The following CDC73 variants were observed in gnomAD, a reference collection of about 807,000 sequenced individuals.
The protein encoded by CDC73 is cell division cycle 73.
CDC73 carries 21 observed loss-of-function variants against 83.7 expected under a neutral mutation model. The ratio of observed to expected loss-of-function variants is 0.25; its 90% CI spans 0.18 to 0.36. CDC73 has a LOEUF of 0.36. Among genes scored for constraint, CDC73 ranks in the 10% least tolerant of loss-of-function variants. The pLI is 1.00. For missense variants in CDC73, 342 were observed against 653.3 expected, an observed-to-expected ratio of 0.52 and a Z score of 5.19; for synonymous variants, 224 against 212.9, an observed-to-expected ratio of 1.05 and a Z score of -0.45.
At chr1:193,127,574 A>G (rs1441494936) in intron 2 of CDC73, among the ~76,000 whole-genome samples, 3 of 152,124 alleles carry the variant, frequency 2.0e-5, no homozygotes, top group Non-Finnish European at 4.4e-5. Flanking sequence ...TAGTGTAACA[A>G]AGATTCAGAT....
intron 14 of CDC73, among the ~76,000 whole-genome samples, chr1:193,235,959 G>T (rs1053958918): frequency 1.3e-5 from 2 of 152,128 alleles, no homozygotes; most frequent in African/African-American, 4.8e-5. Flanking sequence ...ATTAACAGAA[G>T]GGAACAGAAA....
intron 13 of CDC73, among the ~76,000 whole-genome samples, chr1:193,217,612 C>G (rs1045631431): frequency 1.3e-5 from 2 of 151,978 alleles, no homozygotes; most frequent in Admixed American, 1.3e-4. Context: ...CTGCTTGTGT[C>G]TTCTTCTGCT....
intron 10 of CDC73, among the ~76,000 whole-genome samples, chr1:193,199,735 A>T (rs1483969553): frequency 1.3e-5 from 2 of 151,824 alleles, no homozygotes; most frequent in African/African-American, 4.8e-5. Context: ...AGAAATTCAC[A>T]CACATATTTA....
intron 13 of CDC73, among the ~76,000 whole-genome samples, chr1:193,221,885 A>G (rs1403996059): frequency 2.6e-5 from 4 of 152,150 alleles, no homozygotes; most frequent in East Asian, 1.9e-4. Flanking sequence ...TTAATGCATA[A>G]TTGAAACCTC....
chr1:193,214,697 C>A (rs968663678), intron 13 of CDC73, among the ~76,000 whole-genome samples: 1 of 151,946 alleles, frequency 6.6e-6, no homozygotes, highest in Non-Finnish European at 1.5e-5. Flanking sequence ...CCAGCCTGGG[C>A]GACAGAGCGA....
chr1:193,157,311 C>T (rs11577299), intron 10 of CDC73, among the ~76,000 whole-genome samples: 92,950 of 151,994 alleles, frequency 0.61, 29,086 homozygotes, highest in South Asian at 0.77. Flanking sequence ...ATTGCACTAA[C>T]GTTTATGAAC....
At chr1:193,132,525 C>G (rs538069621) in intron 3 of CDC73, among the ~76,000 whole-genome samples, 1 of 151,788 alleles carries the variant, frequency 6.6e-6, no homozygotes, top group African/African-American at 2.4e-5. Flanking sequence ...ATTGTTCAGG[C>G]TGGTCTTGAA....
intron 13 of CDC73, among the ~76,000 whole-genome samples, chr1:193,220,101 C>T (rs914705696): frequency 2.0e-5 from 3 of 151,458 alleles, no homozygotes; most frequent in African/African-American, 7.3e-5. Context: ...ATAATAAATA[C>T]CCAGAAGGGG....
In CDC73 at chr1:193,254,735, C is replaced by G. The variant is rs1678103381; in HGVS notation, c.*4023C>G. Reference sequence around the variant, plus strand: ...GCATCTTGGAAGTTATAAATATGTGCCATTTACTGAAAAGTGGGAAGCATT... The same window carrying G: ...GCATCTTGGAAGTTATAAATATGTGGCATTTACTGAAAAGTGGGAAGCATT... On this transcript the variant is annotated 3_prime_UTR_variant, in exon 17 of 17. Coordinates refer to ENST00000367435, the MANE Select transcript of CDC73 (RefSeq NM_024529.5). 6.6e-6 allele frequency among the ~76,000 whole-genome samples: 1 copy of G among 151,916 alleles called. No individual in the cohort carries two copies. The highest frequency in any genetic ancestry group is 6.6e-5 in the Admixed American group (1 of 15,246).
At chr1:193,130,414 C>T (rs1675674606) in intron 3 of CDC73, among the ~76,000 whole-genome samples, 171 bp downstream of exon 3, 1 of 152,126 alleles carries the variant, frequency 6.6e-6, no homozygotes, top group Non-Finnish European at 1.5e-5. Flanking sequence ...CTGTCTTTGC[C>T]CTTATGGCCA....
intron 15 of CDC73, among the ~76,000 whole-genome samples, chr1:193,245,273 CT>C (rs939686378): frequency 5.3e-5 from 8 of 152,278 alleles, no homozygotes; most frequent in African/African-American, 1.9e-4. Context: ...TGTATTCCCC[CT>C]ACCCCCTACT....
At chr1:193,202,660 C>T (rs1268806150) in intron 10 of CDC73, among the ~76,000 whole-genome samples, 1 of 143,904 alleles carries the variant, frequency 6.9e-6, no homozygotes, top group African/African-American at 2.6e-5. Flanking sequence ...TACCTACCTG[C>T]TCCTGCGGCT....
At chr1:193,237,621 G>A (rs1677785693) in intron 15 of CDC73, among the ~76,000 whole-genome samples, 4 of 152,158 alleles carry the variant, frequency 2.6e-5, no homozygotes, top group Admixed American at 2.6e-4. Flanking sequence ...GAGGTGGTGT[G>A]GTGGGGTGGC....
At chr1:193,159,286 G>T (rs1403513518) in intron 10 of CDC73, among the ~76,000 whole-genome samples, 1 of 152,126 alleles carries the variant, frequency 6.6e-6, no homozygotes, top group Non-Finnish European at 1.5e-5. Context: ...AACTTCCTTA[G>T]GGATTTGTTT....
chr1:193,142,671 C>T (rs1675927424), intron 7 of CDC73, among the ~76,000 whole-genome samples: 1 of 152,008 alleles, frequency 6.6e-6, no homozygotes, highest in Admixed American at 6.6e-5. Flanking sequence ...CTCTCTTCCT[C>T]CTTCCCTCAC....
chr1:193,235,348 T>C (rs72740243), intron 14 of CDC73, among the ~76,000 whole-genome samples: 4,694 of 152,264 alleles, frequency 0.031, 85 homozygotes, highest in Non-Finnish European at 0.045. Flanking sequence ...AGGTTTCTAA[T>C]ACAGTGAGGT....
At chr1:193,205,205 C>T (rs538532613) in intron 11 of CDC73, among the ~76,000 whole-genome samples, 1 of 123,616 alleles carries the variant, frequency 8.1e-6, no homozygotes, top group East Asian at 2.3e-4. Context: ...TCCCCCCCCC[C>T]CCCTTTTTTT....
chr1:193,127,343 G>A (rs1375964282), intron 2 of CDC73, among the ~76,000 whole-genome samples: 6 of 149,702 alleles, frequency 4.0e-5, no homozygotes, highest in South Asian at 2.1e-4. Context: ...AAAGTATCCC[G>A]TCACTTAGTG....
chr1:193,151,388 A>G (rs1315032617), intron 9 of CDC73, among the ~76,000 whole-genome samples: 1 of 152,234 alleles, frequency 6.6e-6, no homozygotes, highest in African/African-American at 2.4e-5. Context: ...AATGAATTAT[A>G]TAAAGCAGAG....
Sources: allele counts gnomAD v4.1 joint callset (sites outside exome capture counted in the v4.1 genomes callset), GRCh38; gene constraint gnomAD v4.1.1; transcripts MANE v1.5; gene names NCBI Gene and HGNC (gene_info 2026-07-23, HGNC 2026-07-21).